Variants in PTPRN2 observed in about 807,000 individuals in gnomAD.
PTPRN2 encodes the protein receptor-type tyrosine-protein phosphatase N2.
A neutral mutation model predicts 118.8 loss-of-function variants in PTPRN2; 74 were observed. That is an observed-to-expected ratio of 0.62 (90% confidence interval 0.52 to 0.76). The LOEUF is 0.76. Among genes scored for constraint, PTPRN2 ranks in the 30% least tolerant of loss-of-function variants. The probability of loss-of-function intolerance (pLI) is 0.00; values close to 1 mark genes in which losing one functional copy is unlikely to be tolerated. For synonymous variants in PTPRN2, 641 were observed against 608.0 expected, an observed-to-expected ratio of 1.05 and a Z score of -0.80; for missense variants, 1,481 against 1,394.4, an observed-to-expected ratio of 1.06 and a Z score of -0.99.
chr7:157,568,560 C>T (rs1434826470), intron 21 of PTPRN2, among the ~76,000 whole-genome samples: 1 of 152,192 alleles, frequency 6.6e-6, no homozygotes, highest in East Asian at 1.9e-4. Context: ...GTGGCTTCTC[C>T]GTGGCTCTGA....
At chr7:158,107,476 C>T (rs1174818223) in intron 10 of PTPRN2, among the ~76,000 whole-genome samples, 1 of 151,970 alleles carries the variant, frequency 6.6e-6, no homozygotes, top group Non-Finnish European at 1.5e-5. Flanking sequence ...CCTCCAGAAC[C>T]CCAGATGCCC....
chr7:157,945,532 C>T (rs1410863147), intron 11 of PTPRN2, among the ~76,000 whole-genome samples: 14 of 152,154 alleles, frequency 9.2e-5, no homozygotes, highest in Admixed American at 8.5e-4. Flanking sequence ...CAGACAAAGC[C>T]GTCTCCAACT....
intron 2 of PTPRN2, among the ~76,000 whole-genome samples, chr7:158,340,309 C>G (rs1488237062): frequency 2.0e-5 from 2 of 99,924 alleles, no homozygotes; most frequent in African/African-American, 7.2e-5. Context: ...TAGGAGCTGA[C>G]ACCCACAGAC....
intron 12 of PTPRN2, chr7:157,862,562 A>C (rs915404793): frequency 6.6e-6 from 1 of 152,266 alleles, no homozygotes. Context: ...ATGGGTGCCC[A>C]GCTGGTCAAC....
intron 12 of PTPRN2, among the ~76,000 whole-genome samples, chr7:157,887,159 C>G (rs1191556984): frequency 6.6e-6 from 1 of 152,136 alleles, no homozygotes; most frequent in Non-Finnish European, 1.5e-5. Flanking sequence ...CTCCCACCAA[C>G]CAAAGGCTTA....
At chr7:157,855,136 G>A (rs1423197993) in intron 12 of PTPRN2, among the ~76,000 whole-genome samples, 2 of 139,616 alleles carry the variant, frequency 1.4e-5, no homozygotes, top group Admixed American at 1.4e-4. Flanking sequence ...CTGCACGGTT[G>A]CAGGGGTGTG....
At chr7:158,046,846 T>C (rs1808916108) in intron 11 of PTPRN2, among the ~76,000 whole-genome samples, 1 of 152,180 alleles carries the variant, frequency 6.6e-6, no homozygotes, top group South Asian at 2.1e-4. Context: ...GCCGAGCTCT[T>C]GTCTTCCTTC....
intron 9 of PTPRN2, among the ~76,000 whole-genome samples, chr7:158,119,782 T>C (rs1817007450): frequency 6.6e-6 from 1 of 152,198 alleles, no homozygotes. Context: ...TATAGGGTTC[T>C]GCACTATCTG....
At position 158,527,158 on chromosome 7, in the gene PTPRN2, G is replaced by A. The variant is rs555966992; in HGVS notation, c.113-37373C>T. ...TCCGAGGATCCCCCACAGCCTTCCCGTCCTCGGAGCAAATGCAGCTGTGTC... is the reference window on the plus strand; with the variant it reads ...TCCGAGGATCCCCCACAGCCTTCCCATCCTCGGAGCAAATGCAGCTGTGTC... On this transcript the variant is annotated intron_variant, in intron 1 of 22. Coordinates refer to ENST00000389418, the MANE Select transcript of PTPRN2 (RefSeq NM_002847.5). 9.2e-5 allele frequency among the ~76,000 whole-genome samples: 14 copies of A among 152,226 alleles called. No homozygotes were observed. The East Asian group carries it at 1.2e-3, about 13-fold the overall frequency.
chr7:158,253,288 C>T lies in PTPRN2; in HGVS notation c.278-48015G>A, dbSNP rs534220426. Among the ~76,000 whole-genome samples, 259 of 150,896 alleles carry T rather than the reference C, an allele frequency of 1.7e-3. 1 individual carries two copies. The highest frequency in any genetic ancestry group is 6.0e-3 in the African/African-American group (242 of 40,456). Reference sequence around the variant, plus strand: ...GACTGACCGGGGCCAGCACAGCGGGCGGGGGCCTGAGGACTCGAGGACTGA... The same window carrying T: ...GACTGACCGGGGCCAGCACAGCGGGTGGGGGCCTGAGGACTCGAGGACTGA... On this transcript the variant is annotated intron_variant, in intron 3 of 22. Coordinates refer to ENST00000389418, the MANE Select transcript of PTPRN2 (RefSeq NM_002847.5).
In PTPRN2 at chr7:157,609,270, C is replaced by T. The variant is rs1802187088; in HGVS notation, c.2345-5195G>A. 6.6e-6 allele frequency among the ~76,000 whole-genome samples: 1 copy of T among 152,100 alleles called. No individual in the cohort carries two copies. Among genetic ancestry groups the T allele is most frequent in the Non-Finnish European group, 1.5e-5 (1 of 68,022 alleles). ...TGGTGGTGGGCGGCTGTAATCCCAG[C>T]TACTTGGGAGGCTGAGGCAGGAGAA... On this transcript the variant is annotated intron_variant, in intron 15 of 22. Coordinates refer to ENST00000389418, the MANE Select transcript of PTPRN2 (RefSeq NM_002847.5). This position sits in a 1 kb window ranked among gnomAD's most constrained non-coding sequence, Gnocchi z 4.9.
intron 1 of PTPRN2, among the ~76,000 whole-genome samples, chr7:158,559,294 C>T (rs1431071351): frequency 1.3e-5 from 2 of 152,226 alleles, no homozygotes; most frequent in African/African-American, 4.8e-5. Context: ...GCATTCACCA[C>T]ATCCTACTCA....
chr7:157,936,016 G>C (rs1799678128), intron 11 of PTPRN2, among the ~76,000 whole-genome samples: 1 of 152,172 alleles, frequency 6.6e-6, no homozygotes, highest in Non-Finnish European at 1.5e-5. Flanking sequence ...TTCAGCATCT[G>C]TGTCGCTCCC....
chr7:157,856,557 A>G (rs1243526782), intron 12 of PTPRN2, among the ~76,000 whole-genome samples: 1 of 152,224 alleles, frequency 6.6e-6, no homozygotes, highest in East Asian at 1.9e-4. Context: ...ACACAGTTCT[A>G]CTGGTTTCTC....
chr7:158,016,942 C>T (rs1304207345), intron 11 of PTPRN2, among the ~76,000 whole-genome samples: 1 of 152,164 alleles, frequency 6.6e-6, no homozygotes, highest in Non-Finnish European at 1.5e-5. Context: ...GCTGCACTCT[C>T]ACTAATCTGT....
chr7:158,248,699 C>T (rs1290816104), intron 3 of PTPRN2, among the ~76,000 whole-genome samples: 1 of 151,180 alleles, frequency 6.6e-6, no homozygotes, highest in East Asian at 2.0e-4. Flanking sequence ...CACACGTGCA[C>T]ACACGCCACA....
intron 11 of PTPRN2, among the ~76,000 whole-genome samples, chr7:158,064,195 T>C (rs1327528481): frequency 6.6e-6 from 1 of 152,158 alleles, no homozygotes; most frequent in Admixed American, 6.5e-5. Context: ...ACATAGTTCA[T>C]CTAACAAACA....
intron 3 of PTPRN2, among the ~76,000 whole-genome samples, chr7:158,314,446 G>A (rs527874958): frequency 2.0e-5 from 3 of 152,266 alleles, no homozygotes; most frequent in Non-Finnish European, 4.4e-5. Flanking sequence ...CCCTGCGTGG[G>A]CAGCATTCCG....
chr7:158,342,207 A>G (rs1440782096), intron 2 of PTPRN2, among the ~76,000 whole-genome samples: 2 of 121,542 alleles, frequency 1.6e-5, no homozygotes, highest in African/African-American at 6.5e-5. Context: ...ACTCACACCC[A>G]CACACGTCAC....
Sources: gnomAD v4.1 joint callset for allele counts (sites outside exome capture counted in the v4.1 genomes callset) on GRCh38, gnomAD v4.1.1 for gene constraint, Gnocchi (gnomAD v3.1) non-coding constraint, MANE v1.5 for transcripts, NCBI Gene and HGNC (gene_info 2026-07-23, HGNC 2026-07-21) for gene names.